The following DMD variants were observed in gnomAD, a reference collection of about 807,000 sequenced individuals.
DMD encodes dystrophin.
A neutral mutation model predicts 330.1 loss-of-function variants in DMD; 63 were observed. The observed-to-expected ratio is 0.19, with a 90% CI of 0.16 to 0.24. The LOEUF is 0.24. Among genes scored for constraint, DMD ranks in the 10% least tolerant of loss-of-function variants. The pLI is 1.00. For missense variants in DMD, 3,344 were observed against 2,684.1 expected (o/e 1.25, Z -5.43); for synonymous variants, 1,223 against 959.8 (o/e 1.27, Z -5.07).
intron 1 of DMD, among the ~76,000 whole-genome samples, chrX:33,065,828 G>A (rs1419767443): frequency 8.9e-6 from 1 of 111,858 alleles, no homozygotes; most frequent in Non-Finnish European, 1.9e-5. Flanking sequence ...AGTATGCAAG[G>A]GCAATGCTAC....
intron 29 of DMD, among the ~76,000 whole-genome samples, chrX:32,429,387 G>GTTTTTTTTTTTTTTTTTTTTTTTTTT (rs10692022): frequency 2.0e-4 from 9 of 44,202 alleles, no homozygotes; most frequent in African/African-American, 3.3e-4. Context: ...TTTTTTTTGG[G>GTTTTTTTTTTTTTTTTTTTTTTTTTT]TTTTTTTTTT....
intron 13 of DMD, among the ~76,000 whole-genome samples, chrX:32,583,277 C>T (rs2053864175): frequency 9.0e-6 from 1 of 111,656 alleles, no homozygotes; most frequent in Admixed American, 9.5e-5. Context: ...TGGCAGATCA[C>T]CTGAGGTCAG....
chrX:32,689,065 A>G (rs1275137777), intron 9 of DMD, among the ~76,000 whole-genome samples: 1 of 111,401 alleles, frequency 9.0e-6, no homozygotes, highest in African/African-American at 3.3e-5. Flanking sequence ...ATTACATGCT[A>G]GGCATTTAAC....
At chrX:32,002,620 A>G (rs145869642) in intron 44 of DMD, among the ~76,000 whole-genome samples, 273 of 110,842 alleles carry the variant, frequency 2.5e-3, no homozygotes, top group African/African-American at 8.6e-3. Flanking sequence ...GTTTTTTTTT[A>G]GAATAAGGAT....
At chrX:31,667,501 C>A (rs1299989499) in intron 53 of DMD, among the ~76,000 whole-genome samples, 9 of 109,056 alleles carry the variant, frequency 8.3e-5, no homozygotes, top group African/African-American at 3.0e-4. Flanking sequence ...TTCCAGGAGA[C>A]TGGGAAGGGT....
At chrX:32,791,426 C>A (rs1414483133) in intron 7 of DMD, among the ~76,000 whole-genome samples, 1 of 111,692 alleles carries the variant, frequency 9.0e-6, no homozygotes, top group Non-Finnish European at 1.9e-5. Flanking sequence ...CAACTGATGC[C>A]ACCACTGGGG....
At chrX:31,169,058 T>C (rs2039714506) in intron 74 of DMD, among the ~76,000 whole-genome samples, 1 of 111,837 alleles carries the variant, frequency 8.9e-6, no homozygotes. Context: ...CCTACTTTCT[T>C]AAATGTTTGA....
At chrX:32,382,813 T>C (rs2097933810) in intron 33 of DMD, among the ~76,000 whole-genome samples, 1 of 110,800 alleles carries the variant, frequency 9.0e-6, no homozygotes, top group African/African-American at 3.3e-5. Context: ...TAATGCAGTA[T>C]TGATTTTTAT....
intron 2 of DMD, among the ~76,000 whole-genome samples, chrX:33,010,554 T>C (rs1336354946): frequency 9.1e-6 from 1 of 110,413 alleles, no homozygotes; most frequent in Non-Finnish European, 1.9e-5. Context: ...GTAAGTATAA[T>C]GCAAATATTC....
At chrX:32,623,790 G>A (rs1168557666) in intron 11 of DMD, among the ~76,000 whole-genome samples, 1 of 111,427 alleles carries the variant, frequency 9.0e-6, no homozygotes, top group East Asian at 2.8e-4. Context: ...ACCTCCCAAA[G>A]TTCTGGGATT....
intron 47 of DMD, among the ~76,000 whole-genome samples, chrX:31,925,729 A>G (rs996538756): frequency 9.1e-6 from 1 of 109,902 alleles, no homozygotes; most frequent in Non-Finnish European, 1.9e-5. Flanking sequence ...AAAATTAGCC[A>G]GGCGTGGTGG....
chrX:31,941,537 C>G (rs969568815), intron 45 of DMD, among the ~76,000 whole-genome samples: 4 of 111,527 alleles, frequency 3.6e-5, no homozygotes, highest in African/African-American at 1.3e-4. Flanking sequence ...TCCTTCGCTC[C>G]TTCTCATTCT....
intron 52 of DMD, 27 bp downstream of exon 52, chrX:31,729,604 G>A: frequency 9.0e-6 from 10 of 1,113,523 alleles, no homozygotes; most frequent in Non-Finnish European, 1.2e-5. Context: ...CTTGCTTTGT[G>A]TGTCCCATGC....
chrX:31,121,698 C>A lies in DMD; in HGVS notation c.*221G>T. On this transcript the variant is annotated 3_prime_UTR_variant, in exon 79 of 79. Coordinates refer to ENST00000357033, the MANE Select transcript of DMD (RefSeq NM_004006.3). The stretch of plus-strand genomic sequence containing the variant: ...AACAAAACAATAACAGACTTAGAAA[C>A]TACTGAAATCTACAGTATAATACCA... 2.0e-6 allele frequency: 1 copy of A among 493,469 alleles called. No homozygotes were observed. Among genetic ancestry groups the A allele is most frequent in the Non-Finnish European group, 3.5e-6 (1 of 288,340 alleles). The allele number at this position is 493,469 out of a possible 1,213,427, so 40.7% of individuals were successfully genotyped here. A position where few individuals can be genotyped will look rare whatever the true frequency, so the allele number is the denominator to read the frequency against.
At chrX:32,565,649 A>C in intron 16 of DMD, 53 bp downstream of exon 16, 1 of 1,129,803 alleles carries the variant, frequency 8.9e-7, no homozygotes, top group East Asian at 3.0e-5. Context: ...CTCTTAATGC[A>C]GGTTTAAAAA....
At chrX:32,650,072 C>T (rs1415804196) in intron 9 of DMD, among the ~76,000 whole-genome samples, 1 of 111,114 alleles carries the variant, frequency 9.0e-6, no homozygotes, top group Non-Finnish European at 1.9e-5. Flanking sequence ...TTGGGCAATT[C>T]AAACTGAGAT....
At chrX:32,657,156 T>C (rs2060633909) in intron 9 of DMD, among the ~76,000 whole-genome samples, 1 of 110,422 alleles carries the variant, frequency 9.1e-6, no homozygotes, top group Admixed American at 9.9e-5. Context: ...TGAGACTTTC[T>C]GTCTTGGCTA....
intron 38 of DMD, among the ~76,000 whole-genome samples, chrX:32,347,775 T>A (rs763313610): frequency 8.9e-6 from 1 of 111,751 alleles, no homozygotes; most frequent in South Asian, 3.7e-4. Flanking sequence ...GGATGTGATG[T>A]ACAAATATTC....
intron 44 of DMD, among the ~76,000 whole-genome samples, chrX:32,114,696 G>A (rs1042114687): frequency 1.8e-5 from 2 of 111,972 alleles, no homozygotes; most frequent in Non-Finnish European, 3.8e-5. Flanking sequence ...AGATTTTACT[G>A]TACCTATCTT....
Sources: gnomAD v4.1 joint callset for allele counts (sites outside exome capture counted in the v4.1 genomes callset) on GRCh38, gnomAD v4.1.1 for gene constraint, MANE v1.5 for transcripts, NCBI Gene and HGNC (gene_info 2026-07-23, HGNC 2026-07-21) for gene names.